PBX1: variants seen among roughly 807,000 people sequenced by gnomAD.
PBX1 encodes the protein pre-B-cell leukemia transcription factor 1.
PBX1 carries 6 observed loss-of-function variants against 53.4 expected under a neutral mutation model. The ratio of observed to expected loss-of-function variants is 0.11; its 90% CI spans 0.06 to 0.22. The LOEUF is 0.22. Among genes scored for constraint, PBX1 ranks in the 10% least tolerant of loss-of-function variants. The pLI, the probability that PBX1 is intolerant of heterozygous loss-of-function variation, is 1.00. For missense variants in PBX1, 251 were observed against 551.4 expected, an observed-to-expected ratio of 0.46 and a Z score of 5.46; for synonymous variants, 204 against 212.3, an observed-to-expected ratio of 0.96 and a Z score of 0.34.
At chr1:164,609,403 C>T (rs1420569296) in intron 2 of PBX1, among the ~76,000 whole-genome samples, 1 of 152,062 alleles carries the variant, frequency 6.6e-6, no homozygotes, top group Non-Finnish European at 1.5e-5. Flanking sequence ...GGTAAGAACA[C>T]CTGAGGGGAT....
intron 2 of PBX1, among the ~76,000 whole-genome samples, chr1:164,667,239 G>A (rs914899967): frequency 6.6e-6 from 1 of 152,090 alleles, no homozygotes; most frequent in Non-Finnish European, 1.5e-5. Context: ...CGTGTATTTA[G>A]TTCCTGTCTT....
rs531198190 is a variant in PBX1 at position 164,802,016 on chromosome 1, C to T, written c.701+2127C>T. Among the ~76,000 whole-genome samples the T allele has an allele frequency of 6.6e-5, 10 of 152,312 alleles. No homozygotes were observed. The South Asian group carries it at 1.9e-3, about 28-fold the overall frequency. ...ACTCACTGCAGATATTCACATGCTCCTCTAAACCATGCATCTGATGGGCAG... is the reference window on the plus strand; with the variant it reads ...ACTCACTGCAGATATTCACATGCTCTTCTAAACCATGCATCTGATGGGCAG... On this transcript the variant is annotated intron_variant, in intron 4 of 8. Coordinates refer to ENST00000420696, the MANE Select transcript of PBX1 (RefSeq NM_002585.4).
intron 2 of PBX1, among the ~76,000 whole-genome samples, chr1:164,612,358 C>G (rs1419946059): frequency 6.6e-6 from 1 of 152,056 alleles, no homozygotes; most frequent in African/African-American, 2.4e-5. Context: ...ACGGTTGAGA[C>G]TAATCTAGAA....
At position 164,567,658 on chromosome 1, in the gene PBX1, T is replaced by A. The variant is rs10157203; in HGVS notation, c.265+4347T>A. 7.8e-3 allele frequency among the ~76,000 whole-genome samples: 1,188 copies of A among 152,268 alleles called. 19 individuals are homozygous for A. The highest frequency in any genetic ancestry group is 0.028 in the African/African-American group (1,145 of 41,548). ...TGACAGACATAATATAAGAAGAACT[T>A]GTAATGAGAAATGACTTTTCTTTTT... On this transcript the variant is annotated intron_variant, in intron 2 of 8. Coordinates refer to ENST00000420696, the MANE Select transcript of PBX1 (RefSeq NM_002585.4).
At chr1:164,599,124 A>G (rs1391227943) in intron 2 of PBX1, among the ~76,000 whole-genome samples, 1 of 123,494 alleles carries the variant, frequency 8.1e-6, no homozygotes, top group Non-Finnish European at 1.6e-5. Flanking sequence ...GCTTTATCAG[A>G]TGATTTTGCC....
intron 2 of PBX1, among the ~76,000 whole-genome samples, chr1:164,623,034 T>G (rs1454552109): frequency 1.3e-5 from 2 of 152,064 alleles, no homozygotes; most frequent in Non-Finnish European, 2.9e-5. Context: ...AGGCTGATCT[T>G]GAACTCCTGA....
chr1:164,640,556 G>GTTTTTTTTTTTTTTTTT (rs1272033438), intron 2 of PBX1, among the ~76,000 whole-genome samples: 1 of 30,678 alleles, frequency 3.3e-5, no homozygotes, highest in Non-Finnish European at 1.1e-4. Context: ...TTTTTTTTTT[G>GTTTTTTTTTTTTTTTTT]TGTTTTTTTT....
intron 2 of PBX1, among the ~76,000 whole-genome samples, chr1:164,634,201 A>C (rs1658594489): frequency 6.6e-6 from 1 of 152,146 alleles, no homozygotes; most frequent in African/African-American, 2.4e-5. Flanking sequence ...CCTGTCCTGA[A>C]GCCTGTAATT....
intron 2 of PBX1, among the ~76,000 whole-genome samples, chr1:164,726,752 G>A (rs754340374): frequency 1.1e-4 from 16 of 152,064 alleles, no homozygotes; most frequent in Non-Finnish European, 2.2e-4. Context: ...ACCTCACACT[G>A]TGAAACAATT....
intron 2 of PBX1, among the ~76,000 whole-genome samples, chr1:164,724,709 T>TTA (rs1557967911): frequency 3.2e-5 from 3 of 95,030 alleles, no homozygotes; most frequent in African/African-American, 1.3e-4. Context: ...TTTTTTTTTT[T>TTA]AGTGCCCATT....
chr1:164,643,886 A>T (rs1277901337), intron 2 of PBX1, among the ~76,000 whole-genome samples: 1 of 151,950 alleles, frequency 6.6e-6, no homozygotes, highest in Non-Finnish European at 1.5e-5. Context: ...TGGTCTGAAG[A>T]CTCTTATGTA....
chr1:164,765,842 G>A (rs1667035273), intron 2 of PBX1, among the ~76,000 whole-genome samples: 2 of 152,198 alleles, frequency 1.3e-5, no homozygotes, highest in Admixed American at 1.3e-4. Context: ...CTGTCAGGGT[G>A]TGAAATGCCC....
At chr1:164,725,527 C>T (rs1664655532) in intron 2 of PBX1, among the ~76,000 whole-genome samples, 1 of 152,002 alleles carries the variant, frequency 6.6e-6, no homozygotes, top group South Asian at 2.1e-4. Flanking sequence ...GCCTTATCTT[C>T]TCTAACGCCT....
chr1:164,570,811 GCACTGT>G (rs942539680), intron 2 of PBX1, among the ~76,000 whole-genome samples: 8 of 152,116 alleles, frequency 5.3e-5, no homozygotes, highest in Non-Finnish European at 1.2e-4. Context: ...TGAATAATTT[GCACTGT>G]CACCAACAGT....
intron 2 of PBX1, among the ~76,000 whole-genome samples, chr1:164,583,138 G>A (rs1654731259): frequency 6.6e-6 from 1 of 152,178 alleles, no homozygotes; most frequent in Non-Finnish European, 1.5e-5. Flanking sequence ...TAGTTATATT[G>A]TACTCTAGCT....
intron 2 of PBX1, among the ~76,000 whole-genome samples, chr1:164,878,330 A>G (rs1380919266): frequency 6.6e-6 from 1 of 152,260 alleles, no homozygotes; most frequent in Non-Finnish European, 1.5e-5. Context: ...CAATTAAAAT[A>G]AATTTTTAAA....
chr1:164,863,211 C>T (rs939812872), intron 2 of PBX1, among the ~76,000 whole-genome samples: 1 of 152,232 alleles, frequency 6.6e-6, no homozygotes, highest in African/African-American at 2.4e-5. Flanking sequence ...CTGCCCTAAT[C>T]GGTTTTACAT....
chr1:164,667,598 T>G (rs1660878969), intron 2 of PBX1, among the ~76,000 whole-genome samples: 1 of 152,170 alleles, frequency 6.6e-6, no homozygotes, highest in Non-Finnish European at 1.5e-5. Context: ...CCTGTCATAA[T>G]TTAAATAGTT....
chr1:164,806,909 TCA>T (rs1006208271), intron 4 of PBX1, among the ~76,000 whole-genome samples: 1 of 152,176 alleles, frequency 6.6e-6, no homozygotes, highest in Non-Finnish European at 1.5e-5. Context: ...CTCTTCACTT[TCA>T]CGGAAGAAGC....
Sources: gnomAD v4.1 joint callset for allele counts (sites outside exome capture counted in the v4.1 genomes callset) on GRCh38, gnomAD v4.1.1 for gene constraint, MANE v1.5 for transcripts, NCBI Gene and HGNC (gene_info 2026-07-23, HGNC 2026-07-21) for gene names.